ZNF318: variants seen among roughly 807,000 people sequenced by gnomAD.
The protein encoded by ZNF318 is endocrine regulator.
In ZNF318, 51 loss-of-function variants were observed where a neutral mutation model predicts 124.2. The observed-to-expected ratio is 0.41, with a 90% confidence interval of 0.33 to 0.52. ZNF318 has a LOEUF of 0.52. Ranked by LOEUF, ZNF318 falls within the 20% of genes least tolerant of loss-of-function variation. ZNF318 has a pLI of 0.23. For missense variants in ZNF318, 2,815 were observed against 2,811.2 expected (o/e 1.00, Z -0.03); for synonymous variants, 1,090 against 1,040.7 (o/e 1.05, Z -0.91).
chr6:43,368,590 G>T, intron 1 of ZNF318: 3 of 870,084 alleles, frequency 3.4e-6, no homozygotes, highest in Non-Finnish European at 4.1e-6. Context: ...CAGGAAGGCA[G>T]CTCAGGTGTA....
chr6:43,360,227 T>A (rs1461429266), intron 2 of ZNF318, among the ~76,000 whole-genome samples: 1 of 152,062 alleles, frequency 6.6e-6, no homozygotes. Flanking sequence ...AAAGCTGTAG[T>A]CCAGACTTGG....
chr6:43,356,285 T>C (rs937431654), intron 3 of ZNF318, 140 bp from the exon 4 acceptor site: 2 of 907,430 alleles, frequency 2.2e-6, no homozygotes, highest in South Asian at 3.7e-5. Flanking sequence ...AAAGTATCCT[T>C]AGCCAGATTC....
rs1779341196 is a variant in ZNF318, at chr6:43,339,629, CG to C, written c.4368del (p.Val1457LeufsTer20). 1.4e-6 allele frequency: 1 copy of C among 716,024 alleles called. No individual in the cohort carries two copies. The highest frequency in any genetic ancestry group is 2.0e-6 in the Non-Finnish European group (1 of 493,306). 44.4% of individuals were successfully genotyped at this position (716,024 alleles called of 1,614,324 possible). Reference protein sequence around the residue: ...PPPPPPPPPPPVIPHPAAPSA... With the variant: ...PPPPPPPPPPXVIPHPAAPSA... ...GACGGGGCAGCTGGATGAGGTATAA[CG>C]GGGGGTGGTGGAGGTGGTGGAGGTG... On this transcript the variant is annotated frameshift_variant, in exon 10 of 10. Coordinates refer to ENST00000361428, the MANE Select transcript of ZNF318 (RefSeq NM_014345.3). LOFTEE classifies it low-confidence loss of function (END_TRUNC). The surrounding 1 kb of genome is among the most constrained non-coding windows in gnomAD (Gnocchi z 4.2).
chr6:43,357,209 G>T lies in ZNF318; in HGVS notation c.1105C>A (p.Arg369=). The T allele has an allele frequency of 1.2e-6, 2 of 1,614,134 alleles. No individual in the cohort carries two copies. Among genetic ancestry groups the T allele is most frequent in the Non-Finnish European group, 1.7e-6 (2 of 1,180,030 alleles). ...GGCATCACAGATACTTCCTCAGGCCGATGCAAAGAATATCCTGGCTCCGAT... is the reference window on the plus strand; with the variant it reads ...GGCATCACAGATACTTCCTCAGGCCTATGCAAAGAATATCCTGGCTCCGAT... ...TASEPGYSLH[R]PEEVSVMPKK... The change falls in exon 3 of 10, where the codon CGG becomes AGG. Residue 369 remains arginine, a synonymous_variant. Coordinates refer to ENST00000361428, the MANE Select transcript of ZNF318 (RefSeq NM_014345.3).
intron 3 of ZNF318, among the ~76,000 whole-genome samples, 196 bp downstream of exon 3, chr6:43,356,930 T>C (rs1779615625): frequency 1.3e-5 from 2 of 152,276 alleles, no homozygotes; most frequent in East Asian, 3.9e-4. Flanking sequence ...AAGCCTAATA[T>C]ACAGCAATAG....
chr6:43,357,330 C>T lies in ZNF318; in HGVS notation c.984G>A (p.Glu328=). ...GACTCAAGCTCCTACTTCGCTCCTC[C>T]TCTTCCTCTCGCTTTCGTCTGGCAA... ...LDLARRKREE[E]EERSRSLSQE... The change falls in exon 3 of 10, where the codon GAG becomes GAA. Residue 328 remains glutamate (E), a synonymous_variant. Coordinates refer to ENST00000361428, the MANE Select transcript of ZNF318 (RefSeq NM_014345.3). The T allele has an allele frequency of 6.2e-7, 1 of 1,614,198 alleles. No homozygotes were observed. Among genetic ancestry groups the T allele is most frequent in the Non-Finnish European group, 8.5e-7 (1 of 1,180,032 alleles).
At chr6:43,340,980 C>T (rs993437484) in intron 8 of ZNF318, 72 bp from the exon 9 acceptor site, 12 of 1,117,008 alleles carry the variant, frequency 1.1e-5, no homozygotes, top group Middle Eastern at 2.0e-4. Context: ...ATGGAAATCC[C>T]ACCACCCCTT....
chr6:43,356,041 C>T lies in ZNF318; in HGVS notation c.1293G>A (p.Glu431=). 6.2e-7 allele frequency: 1 copy of T among 1,614,172 alleles called. No individual in the cohort carries two copies. Among genetic ancestry groups the T allele is most frequent in the Non-Finnish European group, 8.5e-7 (1 of 1,180,030 alleles). ...CTACCATAGTCCCCTTGTTTTCAAT[C>T]TCTGAGGCAAAAGCAGCAATAGCAC... ...LSGAIAAFAS[E]IENKGTMVET... is the part of the protein sequence containing the mutation. Residue 431 remains glutamate, a synonymous_variant, in exon 4 of 10, where the codon GAG becomes GAA. Transcript: ENST00000361428.
chr6:43,358,981 A>G (rs1779647514), intron 2 of ZNF318, among the ~76,000 whole-genome samples: 1 of 152,212 alleles, frequency 6.6e-6, no homozygotes, highest in African/African-American at 2.4e-5. Context: ...GTTAAATCAC[A>G]CTAATTCCAA....
At position 43,336,141 on chromosome 6, in the gene ZNF318, A is replaced by T. The variant is rs1779276571; in HGVS notation, c.*1017T>A. 1 of 152,664 alleles carries T rather than the reference A, an allele frequency of 6.6e-6. No homozygotes were observed. Among genetic ancestry groups the T allele is most frequent in the Admixed American group, 6.5e-5 (1 of 15,282 alleles). 9.5% of individuals were successfully genotyped at this position (152,664 alleles called of 1,614,324 possible). ...GTTAAACTTGTCCAAGCCAACTCAT[A>T]AATTCTTTAATCTTTTTAACAAAAT... On this transcript the variant is annotated 3_prime_UTR_variant, in exon 10 of 10. Transcript: ENST00000361428.
chr6:43,363,619 T>C, intron 2 of ZNF318: 1 of 430,822 alleles, frequency 2.3e-6, no homozygotes, highest in Non-Finnish European at 4.2e-6. Flanking sequence ...CAAGCTGGGC[T>C]GCTTGGTTAA....
chr6:43,361,967 G>T (rs1017850571), intron 2 of ZNF318, among the ~76,000 whole-genome samples: 3 of 152,076 alleles, frequency 2.0e-5, no homozygotes, highest in Admixed American at 6.5e-5. Flanking sequence ...ACCAGCCTAG[G>T]CAACACAGTG....
chr6:43,347,999 A>G (rs1322916498), intron 6 of ZNF318, among the ~76,000 whole-genome samples: 1 of 152,232 alleles, frequency 6.6e-6, no homozygotes, highest in African/African-American at 2.4e-5. Context: ...TGACCTAGAC[A>G]TGAACATAGT....
rs748426389 is a variant in ZNF318 at position 43,354,878 on chromosome 6, T to C, written c.2456A>G (p.His819Arg). Residue 819 changes from histidine (H) to arginine (R), a missense_variant, in exon 4 of 10, where the codon CAC becomes CGC. This residue lies in a region of ZNF318 where 1,377 missense variants were observed against 1,353.5 expected (regional missense o/e 1.02). Transcript: ENST00000361428. ...TTGTTTGGTTATTGGCATTATCCTG[T>C]GTGGTTCAGGTACAGGGTGGTTTGA... ...QPSNHPVPEP[H>R]RIMPITKQAT... is the part of the protein sequence containing the mutation. 1 of 1,614,018 alleles carries C rather than the reference T, an allele frequency of 6.2e-7. No homozygotes were observed. Among genetic ancestry groups the C allele is most frequent in the Non-Finnish European group, 8.5e-7 (1 of 1,180,008 alleles).
intron 5 of ZNF318, among the ~76,000 whole-genome samples, chr6:43,349,148 G>A (rs931503644): frequency 6.6e-6 from 1 of 152,138 alleles, no homozygotes; most frequent in Non-Finnish European, 1.5e-5. Flanking sequence ...TTGTGTAAAG[G>A]TTATTAGCTA....
rs879888679 is a variant in ZNF318, at chr6:43,369,501, T to A, written c.-136A>T. ...CGCCTCAGCCGCGGGAGCAGCCCCC[T>A]CCCCTCGGCCCCGCGTCGCCCCGGG... On this transcript the variant is annotated 5_prime_UTR_variant, in exon 1 of 10. Transcript: ENST00000361428. 2.8e-4 allele frequency: 178 copies of A among 634,374 alleles called. 3 individuals carry two copies. The Admixed American group carries it at 0.01, about 37-fold the overall frequency. 39.3% of individuals were successfully genotyped at this position (634,374 alleles called of 1,614,324 possible). A position where few individuals can be genotyped will look rare whatever the true frequency, so the allele number is the denominator to read the frequency against.
rs772558865 is a variant in ZNF318 at position 43,339,617 on chromosome 6, G to C, written c.4381C>G (p.Pro1461Ala). ...GCTTGAGCAGCAGACGGGGCAGCTG[G>C]ATGAGGTATAACGGGGGGTGGTGGA... The part of the protein sequence containing the change: ...PPPPPPVIPH[P>A]AAPSAAQANA... Residue 1461 changes from proline to alanine, a missense_variant, in exon 10 of 10, where the codon CCA becomes GCA. This residue lies in a region of ZNF318 where 500 missense variants were observed against 605.2 expected (regional missense o/e 0.83). Transcript: ENST00000361428. The surrounding 1 kb of genome is among the most constrained non-coding windows in gnomAD (Gnocchi z 4.2). The C allele has an allele frequency of 2.9e-6, 4 of 1,381,590 alleles. No individual in the cohort carries two copies. Among genetic ancestry groups the C allele is most frequent in the East Asian group, 4.0e-5 (1 of 24,882 alleles). 85.6% of individuals were successfully genotyped at this position (1,381,590 alleles called of 1,614,324 possible).
chr6:43,338,165 A>T lies in ZNF318; in HGVS notation c.5833T>A (p.Ser1945Thr). The change falls in exon 10 of 10, where the codon TCA becomes ACA. Residue 1945 changes from serine (S) to threonine (T), a missense_variant. By Grantham distance (58) the Ser-to-Thr change is moderately conservative (BLOSUM62 1). Transcript: ENST00000361428. Reference protein sequence around the residue: ...YRSLKLKRERSKDFQVKKIYE... With the variant: ...YRSLKLKRERTKDFQVKKIYE... ...ATCTTTTTAACTTGAAAGTCTTTTG[A>T]TCTTTCTCTCTTGAGTTTGAGACTT... 5.6e-6 allele frequency: 9 copies of T among 1,614,012 alleles called. No homozygotes were observed. Among genetic ancestry groups the T allele is most frequent in the Non-Finnish European group, 6.8e-6 (8 of 1,179,998 alleles).
rs947378850 is a variant in ZNF318, at chr6:43,369,057, C to A, written c.309G>T (p.Pro103=). ...CCCGGCTGCTGCCTCTGAAGCCGGCCGGGCCCGGCGGGAAGAGTCGTCGGC... is the reference window on the plus strand; with the variant it reads ...CCCGGCTGCTGCCTCTGAAGCCGGCAGGGCCCGGCGGGAAGAGTCGTCGGC... ...PRGRRLFPPG[P]AGFRGSSRGE... The change falls in exon 1 of 10, where the codon CCG becomes CCT. Residue 103 remains proline, a synonymous_variant. Transcript: ENST00000361428. The A allele has an allele frequency of 3.0e-6, 4 of 1,347,858 alleles. No individual in the cohort carries two copies. Among genetic ancestry groups the A allele is most frequent in the Non-Finnish European group, 3.8e-6 (4 of 1,046,596 alleles). 83.5% of individuals were successfully genotyped at this position (1,347,858 alleles called of 1,614,324 possible).
Sources: allele counts gnomAD v4.1 joint callset (sites outside exome capture counted in the v4.1 genomes callset), GRCh38; gene constraint gnomAD v4.1.1; regional missense constraint gnomAD v4.1.1; non-coding constraint Gnocchi (gnomAD v3.1); transcripts MANE v1.5; gene names NCBI Gene and HGNC (gene_info 2026-07-23, HGNC 2026-07-21).